The following RBFOX1 variants were observed in gnomAD, a reference collection of about 807,000 sequenced individuals.
RBFOX1 encodes the protein RNA binding protein fox-1 homolog 1.
RBFOX1 carries 8 observed loss-of-function variants against 57.7 expected under a neutral mutation model. That is an observed-to-expected ratio of 0.14 (90% CI 0.08 to 0.25). The LOEUF is 0.25. Ranked by LOEUF, RBFOX1 falls within the 10% of genes least tolerant of loss-of-function variation. The pLI is 1.00. For missense variants in RBFOX1, 611 were observed against 548.5 expected (o/e 1.11, Z -1.14); for synonymous variants, 326 against 222.4 (o/e 1.47, Z -4.15).
At chr16:6,429,485 C>T (rs1487678398) in intron 2 of RBFOX1, among the ~76,000 whole-genome samples, 4 of 152,236 alleles carry the variant, frequency 2.6e-5, no homozygotes, top group African/African-American at 9.6e-5. Flanking sequence ...ATTCTTCATT[C>T]ATTCATCCAT....
chr16:7,677,134 C>CACAT (rs1345150222), intron 14 of RBFOX1, among the ~76,000 whole-genome samples: 1 of 144,222 alleles, frequency 6.9e-6, no homozygotes, highest in African/African-American at 2.5e-5. Context: ...CATACACATA[C>CACAT]ACACACACAC....
rs142982876 is a variant in RBFOX1 at position 6,526,564 on chromosome 16, C to T, written c.-63-128039C>T. ...ACCCTAAGAGGGCCAGGCACAGTGG[C>T]TCATGCCTGTAATCCCAGCACTTTG... On this transcript the variant is annotated intron_variant, in intron 2 of 15. Coordinates refer to ENST00000550418, the MANE Select transcript of RBFOX1 (RefSeq NM_018723.4). 8.6e-3 allele frequency among the ~76,000 whole-genome samples: 1,305 copies of T among 152,106 alleles called. 19 individuals carry two copies. The highest frequency in any genetic ancestry group is 0.028 in the African/African-American group (1,173 of 41,492).
At chr16:7,607,249 A>T (rs1238281996) in intron 9 of RBFOX1, 36 bp from the exon 10 acceptor site, 3 of 1,578,480 alleles carry the variant, frequency 1.9e-6, no homozygotes, top group Middle Eastern at 3.3e-4. Context: ...TGTTGAATCA[A>T]ATGTGATAAT....
intron 4 of RBFOX1, among the ~76,000 whole-genome samples, chr16:5,926,203 G>A (rs1013823541): frequency 1.1e-4 from 16 of 152,236 alleles, no homozygotes; most frequent in Admixed American, 1.0e-3. Context: ...TTTAAAATGA[G>A]ATATGCGTAT....
intron 2 of RBFOX1, among the ~76,000 whole-genome samples, chr16:6,522,281 G>A (rs1229976157): frequency 6.6e-6 from 1 of 151,750 alleles, no homozygotes; most frequent in East Asian, 1.9e-4. Flanking sequence ...AAAGCACAAT[G>A]TTATTAATTC....
rs137866795 is a variant in RBFOX1 at position 6,520,263 on chromosome 16, A to G, written c.-63-134340A>G. ...AAATTTAAAGCGATGTTGAATTTTGATAGTATTGCTTTGTAGGTTGTTAAA... is the reference window on the plus strand; with the variant it reads ...AAATTTAAAGCGATGTTGAATTTTGGTAGTATTGCTTTGTAGGTTGTTAAA... On this transcript the variant is annotated intron_variant, in intron 2 of 15. Transcript: ENST00000550418. 2.0e-3 allele frequency among the ~76,000 whole-genome samples: 302 copies of G among 152,320 alleles called. 2 individuals are homozygous for G. Among genetic ancestry groups the G allele is most frequent in the African/African-American group, 7.1e-3 (294 of 41,584 alleles).
chr16:6,878,014 T>G (rs1229252919), intron 3 of RBFOX1, among the ~76,000 whole-genome samples: 2 of 152,000 alleles, frequency 1.3e-5, no homozygotes, highest in East Asian at 1.9e-4. Context: ...AGGAGGAATT[T>G]AAGGATGTTG....
chr16:6,048,384 A>T (rs2095517026), intron 1 of RBFOX1, among the ~76,000 whole-genome samples: 2 of 152,204 alleles, frequency 1.3e-5, no homozygotes, highest in Admixed American at 1.3e-4. Flanking sequence ...AGAATCTCTC[A>T]TAAAGACTGG....
chr16:6,472,402 C>A (rs546600120), intron 2 of RBFOX1, among the ~76,000 whole-genome samples: 1 of 152,250 alleles, frequency 6.6e-6, no homozygotes, highest in East Asian at 1.9e-4. Flanking sequence ...TCAGGGATGC[C>A]CCCAAGCATG....
chr16:7,417,891 T>C (rs914941660), intron 4 of RBFOX1, among the ~76,000 whole-genome samples: 1 of 152,136 alleles, frequency 6.6e-6, no homozygotes, highest in African/African-American at 2.4e-5. Context: ...CCCATCTCCC[T>C]TTTCCTGCAG....
At chr16:7,491,345 A>G (rs182509080) in intron 4 of RBFOX1, among the ~76,000 whole-genome samples, 6 of 149,768 alleles carry the variant, frequency 4.0e-5, no homozygotes, top group African/African-American at 1.5e-4. Context: ...CCTTGATTTG[A>G]TATCCTAGTA....
At chr16:7,219,856 G>C (rs1044363394) in intron 4 of RBFOX1, among the ~76,000 whole-genome samples, 1 of 152,186 alleles carries the variant, frequency 6.6e-6, no homozygotes, top group Non-Finnish European at 1.5e-5. Flanking sequence ...CTGAGAGTGA[G>C]TGTATTTATA....
chr16:6,452,645 T>G (rs1262933713), intron 2 of RBFOX1, among the ~76,000 whole-genome samples: 6 of 152,202 alleles, frequency 3.9e-5, no homozygotes, highest in Non-Finnish European at 8.8e-5. Context: ...GGGCCCAGTT[T>G]AAGACAATAG....
At position 6,795,048 on chromosome 16, in the gene RBFOX1, C is replaced by G. The variant is rs1017673445; in HGVS notation, c.-16+140398C>G. Among the ~76,000 whole-genome samples the G allele has an allele frequency of 2.6e-5, 4 of 152,130 alleles. 1 individual carries two copies. The highest frequency in any genetic ancestry group is 9.7e-5 in the African/African-American group (4 of 41,414). ...CTTTTCGTCATACTGCACATTTTCT[C>G]TTGATAGTTGATGTGATATATGTCA... On this transcript the variant is annotated intron_variant, in intron 3 of 15. Transcript: ENST00000550418.
intron 1 of RBFOX1, among the ~76,000 whole-genome samples, chr16:6,298,478 A>G (rs984961071): frequency 6.6e-6 from 1 of 152,228 alleles, no homozygotes; most frequent in Non-Finnish European, 1.5e-5. Context: ...TGCTTTGTTT[A>G]TAAGTTTTCA....
At chr16:7,710,550 T>A in intron 15 of RBFOX1, 73 bp from the exon 16 acceptor site, 1 of 1,591,766 alleles carries the variant, frequency 6.3e-7, no homozygotes, top group Non-Finnish European at 8.5e-7. Flanking sequence ...TTTTTCACAT[T>A]AGTCTTTTTG....
chr16:6,361,092 C>T lies in RBFOX1; in HGVS notation c.-64+44035C>T, dbSNP rs567453918. Among the ~76,000 whole-genome samples, 6 of 152,238 alleles carry T rather than the reference C, an allele frequency of 3.9e-5. No individual in the cohort carries two copies. In the East Asian group the frequency reaches 1.2e-3, roughly 29 times the overall value. ...TCTTGAGCCACCCCTCTCAGCAATGCATTGCCACTTTCTCATACATTACAA... is the reference window on the plus strand; with the variant it reads ...TCTTGAGCCACCCCTCTCAGCAATGTATTGCCACTTTCTCATACATTACAA... On this transcript the variant is annotated intron_variant, in intron 2 of 15. Coordinates refer to ENST00000550418, the MANE Select transcript of RBFOX1 (RefSeq NM_018723.4).
intron 3 of RBFOX1, among the ~76,000 whole-genome samples, chr16:5,769,418 A>T (rs2053900650): frequency 6.6e-6 from 1 of 151,564 alleles, no homozygotes; most frequent in South Asian, 2.1e-4. Flanking sequence ...AAGCAGGTGG[A>T]TCACTTGAAG....
At chr16:6,966,598 A>G (rs918743637) in intron 3 of RBFOX1, among the ~76,000 whole-genome samples, 6 of 152,048 alleles carry the variant, frequency 3.9e-5, no homozygotes, top group African/African-American at 1.2e-4. Flanking sequence ...AAATAAGGCC[A>G]ATGGACTGGA....
Sources: gnomAD v4.1 joint callset for allele counts (sites outside exome capture counted in the v4.1 genomes callset) on GRCh38, gnomAD v4.1.1 for gene constraint, MANE v1.5 for transcripts, NCBI Gene and HGNC (gene_info 2026-07-23, HGNC 2026-07-21) for gene names.